Variants in TTC3 observed in about 807,000 individuals in gnomAD.
TTC3 encodes the protein tetratricopeptide repeat domain 3.
In TTC3, 180 loss-of-function variants were observed where a neutral mutation model predicts 249.6. The observed-to-expected ratio is 0.72, with a 90% CI of 0.64 to 0.82. The LOEUF (loss-of-function observed/expected upper bound fraction) is 0.82. TTC3 is among the 40% of genes least tolerant of loss of function. TTC3 has a pLI of 0.00. For missense variants in TTC3, 2,061 were observed against 2,398.4 expected (o/e 0.86, Z 2.94); for synonymous variants, 717 against 805.0 (o/e 0.89, Z 1.85).
At chr21:37,195,540 T>G (rs1364893843) in intron 41 of TTC3, 135 bp from the exon 42 acceptor site, 5 of 1,212,132 alleles carry the variant, frequency 4.1e-6, no homozygotes, top group Non-Finnish European at 5.7e-6. Context: ...AAATATTTAA[T>G]TCATGGTATT....
intron 37 of TTC3, 126 bp downstream of exon 37, chr21:37,185,900 C>G (rs1239880542): frequency 5.5e-5 from 23 of 414,622 alleles, no homozygotes; most frequent in Admixed American, 9.1e-5. Flanking sequence ...TTTCTGTTTT[C>G]TTTATTTCTA....
At chr21:37,124,491 A>AG in intron 13 of TTC3, 128 bp from the exon 14 acceptor site, 1 of 947,370 alleles carries the variant, frequency 1.1e-6, no homozygotes, top group Non-Finnish European at 1.6e-6. Flanking sequence ...CCCATCTCAC[A>AG]GGTAGGAAAT....
intron 9 of TTC3, 142 bp downstream of exon 9, chr21:37,095,586 G>A (rs2073857586): frequency 3.6e-6 from 2 of 549,098 alleles, no homozygotes; most frequent in Non-Finnish European, 3.1e-6. Context: ...CTTGGGTGTT[G>A]GAAGCATTGG....
At chr21:37,106,585 G>C (rs1450645446) in intron 10 of TTC3, among the ~76,000 whole-genome samples, 1 of 152,172 alleles carries the variant, frequency 6.6e-6, no homozygotes, top group Non-Finnish European at 1.5e-5. Flanking sequence ...GTGTGAGGTA[G>C]TGTTCAAGAT....
chr21:37,106,676 G>C (rs1048955469), intron 10 of TTC3, among the ~76,000 whole-genome samples: 1 of 152,282 alleles, frequency 6.6e-6, no homozygotes, highest in Middle Eastern at 3.4e-3. Flanking sequence ...CTTGAGCCCA[G>C]GAGTTTGAGA....
intron 13 of TTC3, among the ~76,000 whole-genome samples, chr21:37,123,744 A>T (rs944407180): frequency 3.4e-5 from 5 of 145,604 alleles, no homozygotes; most frequent in East Asian, 4.0e-4. Context: ...GGTCATAGGT[A>T]TTTTTTTTTT....
chr21:37,096,789 C>T (rs2073988528), intron 10 of TTC3, 146 bp downstream of exon 10: 1 of 581,044 alleles, frequency 1.7e-6, no homozygotes, highest in Non-Finnish European at 3.0e-6. Context: ...TATGCTTAGG[C>T]TTTATATATA....
intron 1 of TTC3, 149 bp downstream of exon 1, chr21:37,073,622 C>G: frequency 2.1e-6 from 1 of 473,644 alleles, no homozygotes; most frequent in Non-Finnish European, 2.8e-6. Flanking sequence ...CCTTCGCGAG[C>G]GAGGCCCTGG....
chr21:37,192,399 G>A (rs2084260762), intron 41 of TTC3, among the ~76,000 whole-genome samples, 186 bp downstream of exon 41: 1 of 151,876 alleles, frequency 6.6e-6, no homozygotes, highest in African/African-American at 2.4e-5. Flanking sequence ...AAATAGATCA[G>A]TCTTTCTACA....
chr21:37,167,404 AT>A, intron 33 of TTC3, 150 bp from the exon 34 acceptor site: 2 of 563,704 alleles, frequency 3.5e-6, no homozygotes, highest in Non-Finnish European at 6.4e-6. Flanking sequence ...CTTTCCTAAT[AT>A]ACATGTTTAC....
intron 11 of TTC3, among the ~76,000 whole-genome samples, chr21:37,120,758 C>T (rs2076518840): frequency 6.6e-6 from 1 of 152,226 alleles, no homozygotes; most frequent in South Asian, 2.1e-4. Context: ...CCTGCATAAA[C>T]ACGTACCCAC....
In TTC3 at chr21:37,126,150, ATTG is replaced by A. The variant is rs771298306; in HGVS notation, c.1297+10_1297+12del. The A allele has an allele frequency of 1.2e-6, 2 of 1,609,940 alleles. No homozygotes were observed. The highest frequency in any genetic ancestry group is 2.7e-5 in the African/African-American group (2 of 74,570). Reference sequence around the variant, plus strand: ...GAATTTTCACCACCATCAAGTGAGTATTGTTTTTATATCAATTGTTGCCAAGTT... The same window carrying A: ...GAATTTTCACCACCATCAAGTGAGTATTTTTATATCAATTGTTGCCAAGTT... On this transcript the variant is annotated splice_region_variant and intron_variant, in intron 15 of 45. Transcript: ENST00000355666.
intron 19 of TTC3, among the ~76,000 whole-genome samples, chr21:37,139,358 C>T (rs1408966487): frequency 6.6e-6 from 1 of 152,132 alleles, no homozygotes; most frequent in African/African-American, 2.4e-5. Flanking sequence ...TAGTCATGCT[C>T]CTGCCTGGCT....
At chr21:37,167,735 G>T (rs933580486) in intron 34 of TTC3, 115 bp downstream of exon 34, 3 of 682,420 alleles carry the variant, frequency 4.4e-6, no homozygotes, top group African/African-American at 1.9e-5. Context: ...AGTTATCATG[G>T]AATAAGCTTG....
intron 35 of TTC3, among the ~76,000 whole-genome samples, chr21:37,180,843 TA>T (rs138425939): frequency 0.031 from 4,483 of 143,034 alleles, 88 homozygotes; most frequent in Middle Eastern, 0.049. Flanking sequence ...TTAGAAAATG[TA>T]AAAAAAAAAA....
intron 39 of TTC3, among the ~76,000 whole-genome samples, chr21:37,189,869 C>T (rs373141039): frequency 2.9e-5 from 4 of 137,144 alleles, no homozygotes; most frequent in South Asian, 2.6e-4. Flanking sequence ...GCCACCACGC[C>T]GGCCGGCCTT....
At position 37,096,657 on chromosome 21, in the gene TTC3, A is replaced by T; in HGVS notation, c.845+14A>T. 1 of 1,593,590 alleles carries T rather than the reference A, an allele frequency of 6.3e-7. No individual in the cohort carries two copies. Among genetic ancestry groups the T allele is most frequent in the Non-Finnish European group, 8.6e-7 (1 of 1,164,868 alleles). On this transcript the variant is annotated intron_variant, in intron 10 of 45. Transcript: ENST00000355666. ...TGGACAGTTTAGGTAAGTTGGTTAA[A>T]ATATCTCAACCACTGAATTATTATG...
chr21:37,158,289 T>A lies in TTC3; in HGVS notation c.2992+1383T>A, dbSNP rs945131510. 16 of 823,698 alleles carry A rather than the reference T, an allele frequency of 1.9e-5. No homozygotes were observed. The African/African-American group carries it at 2.8e-4, about 14-fold the overall frequency. 51.0% of individuals were successfully genotyped at this position (823,698 alleles called of 1,614,324 possible). Reference sequence around the variant, plus strand: ...ACAAGACAACTAAAAAGGACACAATTCCCTCTCAGCATACACTCGTCCTTT... The same window carrying A: ...ACAAGACAACTAAAAAGGACACAATACCCTCTCAGCATACACTCGTCCTTT... On this transcript the variant is annotated intron_variant, in intron 28 of 45. Coordinates refer to ENST00000355666, the Ensembl canonical transcript of TTC3.
intron 3 of TTC3, 136 bp from the exon 4 acceptor site, chr21:37,088,060 A>C: frequency 1.0e-6 from 1 of 988,772 alleles, no homozygotes; most frequent in East Asian, 2.7e-5. Flanking sequence ...AATATTCTTA[A>C]CATTTAACAG....
Sources: gnomAD v4.1 joint callset for allele counts (sites outside exome capture counted in the v4.1 genomes callset) on GRCh38, gnomAD v4.1.1 for gene constraint, MANE v1.5 for transcripts, NCBI Gene and HGNC (gene_info 2026-07-23, HGNC 2026-07-21) for gene names.